The following XG variants were observed in gnomAD, a reference collection of about 807,000 sequenced individuals.
The protein encoded by XG is Xg glycoprotein (Xg blood group), also known as glycoprotein Xg.
Under a neutral mutation model 25.7 loss-of-function variants are expected in XG, and 24 were observed. That is an observed-to-expected ratio of 0.93 (90% CI 0.68 to 1.31). The LOEUF (loss-of-function observed/expected upper bound fraction) is 1.31, where lower values mean the gene tolerates loss of function less well. Among genes scored for constraint, XG ranks in the 40% most tolerant of loss-of-function variants. The probability of loss-of-function intolerance (pLI) is 0.00; values close to 1 mark genes in which losing one functional copy is unlikely to be tolerated. For missense variants in XG, 181 were observed against 187.6 expected (o/e 0.96, Z 0.21); for synonymous variants, 77 against 69.2 (o/e 1.11, Z -0.56).
intron 4 of XG, 124 bp downstream of exon 4, chrX:2,782,252 TGTA>T (rs767234509): frequency 6.3e-6 from 5 of 787,448 alleles, no homozygotes; most frequent in Non-Finnish European, 9.4e-6. Context: ...TTACTGGGAA[TGTA>T]GTTTCTTTCC....
chrX:2,782,612 C>G (rs897527464), intron 4 of XG, among the ~76,000 whole-genome samples: 1 of 111,280 alleles, frequency 9.0e-6, no homozygotes, highest in Non-Finnish European at 1.9e-5. Flanking sequence ...GTGAGGTTTT[C>G]TTGCTGTTTT....
chrX:2,808,461 T>C, intron 9 of XG: 3 of 964,763 alleles, frequency 3.1e-6, no homozygotes, highest in Non-Finnish European at 4.0e-6. Context: ...GCCCCTTAGC[T>C]CTCAAAGCAA....
chrX:2,794,668 C>T lies in XG; in HGVS notation c.322+65C>T. The T allele has an allele frequency of 2.6e-6, 3 of 1,138,806 alleles. No individual in the cohort carries two copies. The South Asian group carries it at 5.9e-5, about 22-fold the overall frequency. The allele number at this position is 1,138,806 out of a possible 1,213,427, so 93.9% of individuals were successfully genotyped here. On this transcript the variant is annotated intron_variant, in intron 6 of 10. Coordinates refer to ENST00000644266, the MANE Select transcript of XG (RefSeq NM_001141919.2). ...GCACAGAGAGGGTGGGATGAGAGGC[C>T]TGAAGTTGGGGATGAGAGAGCTGAG...
intron 1 of XG, among the ~76,000 whole-genome samples, chrX:2,766,418 C>T (rs1478886298): frequency 4.7e-5 from 7 of 149,954 alleles, no homozygotes; most frequent in African/African-American, 1.5e-4. Context: ...GGATTACAGG[C>T]GTGAGCCACC....
At chrX:2,756,071 G>C (rs962308962) in intron 1 of XG, among the ~76,000 whole-genome samples, 3 of 152,180 alleles carry the variant, frequency 2.0e-5, no homozygotes, top group Non-Finnish European at 4.4e-5. Flanking sequence ...TATTGTTAAT[G>C]GTTAATATGC....
chrX:2,805,504 C>G (rs1276737109), intron 7 of XG, among the ~76,000 whole-genome samples: 3 of 109,240 alleles, frequency 2.7e-5, no homozygotes, highest in South Asian at 4.0e-4. Flanking sequence ...GTTCCAATCT[C>G]CTCTCCTTAT....
chrX:2,752,799 A>G (rs2050362477), intron 1 of XG: 1 of 450,842 alleles, frequency 2.2e-6, no homozygotes, highest in Admixed American at 6.4e-5. Context: ...GGTTGCATTT[A>G]TTCAGATTTT....
chrX:2,798,369 CTTTTTTT>C (rs748928232), intron 7 of XG, among the ~76,000 whole-genome samples: 3 of 83,847 alleles, frequency 3.6e-5, no homozygotes, highest in African/African-American at 4.7e-5. Context: ...ACCATCTTTT[CTTTTTTT>C]TTTTTTTTTT....
At chrX:2,800,224 G>A (rs1403438587) in intron 7 of XG, among the ~76,000 whole-genome samples, 6 of 111,542 alleles carry the variant, frequency 5.4e-5, no homozygotes, top group Non-Finnish European at 1.1e-4. Context: ...TAGCAAGGGG[G>A]TCCTTGTTAT....
At chrX:2,814,251 A>G in intron 10 of XG, 113 bp from the exon 11 acceptor site, 1 of 935,768 alleles carries the variant, frequency 1.1e-6, no homozygotes, top group Non-Finnish European at 1.4e-6. Flanking sequence ...CTAAATCTAG[A>G]GCAAGAGTCT....
intron 1 of XG, among the ~76,000 whole-genome samples, chrX:2,754,067 C>A (rs940077244): frequency 6.6e-6 from 1 of 152,042 alleles, no homozygotes; most frequent in Non-Finnish European, 1.5e-5. Flanking sequence ...GTATTAAATG[C>A]ACTTACAACA....
At chrX:2,782,252 T>A in intron 4 of XG, 124 bp downstream of exon 4, 2 of 785,960 alleles carry the variant, frequency 2.5e-6, no homozygotes. Flanking sequence ...TTACTGGGAA[T>A]GTAGTTTCTT....
At chrX:2,780,788 C>T (rs981422462) in intron 3 of XG, among the ~76,000 whole-genome samples, 4 of 151,704 alleles carry the variant, frequency 2.6e-5, no homozygotes, top group Non-Finnish European at 5.9e-5. Context: ...GGCAGGAAGA[C>T]TGGAAGCAGG....
chrX:2,764,738 G>A (rs1200414834), intron 1 of XG, among the ~76,000 whole-genome samples: 7 of 151,882 alleles, frequency 4.6e-5, no homozygotes, highest in Non-Finnish European at 8.8e-5. Context: ...AGTACAATCC[G>A]ATGTAAAGAA....
intron 4 of XG, among the ~76,000 whole-genome samples, chrX:2,782,664 C>T (rs753017177): frequency 1.6e-4 from 18 of 111,003 alleles, no homozygotes; most frequent in South Asian, 7.8e-4. Context: ...GCCAGATTAC[C>T]GGGCTGAGTG....
chrX:2,760,215 C>T (rs369782673), intron 1 of XG, among the ~76,000 whole-genome samples: 3 of 151,796 alleles, frequency 2.0e-5, no homozygotes, highest in Non-Finnish European at 2.9e-5. Context: ...TTATTGAGAG[C>T]GTAGGCCAGG....
In XG at chrX:2,774,980, T is replaced by C. The variant is rs1449398832; in HGVS notation, c.127+241T>C. 23 of 571,878 alleles carry C rather than the reference T, an allele frequency of 4.0e-5. No individual in the cohort carries two copies. In the Admixed American group the frequency reaches 6.6e-4, roughly 16 times the overall value. The allele number at this position is 571,878 out of a possible 1,614,324, so 35.4% of individuals were successfully genotyped here. Reference sequence around the variant, plus strand: ...AATCTAAAATGGAAAATAACAAGTGTTGGCAAGGATGTGATGAAACTGGAA... The same window carrying C: ...AATCTAAAATGGAAAATAACAAGTGCTGGCAAGGATGTGATGAAACTGGAA... On this transcript the variant is annotated intron_variant, in intron 3 of 10. Transcript: ENST00000644266.
intron 10 of XG, 49 bp from the exon 11 acceptor site, chrX:2,814,315 C>CAT: frequency 1.1e-6 from 1 of 929,332 alleles, no homozygotes; most frequent in Non-Finnish European, 1.5e-6. Flanking sequence ...TTTAATAAGA[C>CAT]TTTTTTTTTT....
At chrX:2,777,587 T>TCC (rs1443759231) in intron 3 of XG, among the ~76,000 whole-genome samples, 1 of 151,816 alleles carries the variant, frequency 6.6e-6, no homozygotes, top group African/African-American at 2.4e-5. Flanking sequence ...AGCCAGGCTT[T>TCC]GTCTCAAAAA....
Sources: allele counts gnomAD v4.1 joint callset (sites outside exome capture counted in the v4.1 genomes callset), GRCh38; gene constraint gnomAD v4.1.1; transcripts MANE v1.5; gene names NCBI Gene and HGNC (gene_info 2026-07-23, HGNC 2026-07-21).